Variants in CFAP251 observed in about 807,000 individuals in gnomAD.
The protein encoded by CFAP251 is cilia- and flagella-associated protein 251.
A neutral mutation model predicts 126.7 loss-of-function variants in CFAP251; 93 were observed. The ratio of observed to expected loss-of-function variants is 0.73; its 90% CI spans 0.62 to 0.87. The LOEUF (loss-of-function observed/expected upper bound fraction) is 0.87, where lower values mean the gene tolerates loss of function less well. Among genes scored for constraint, CFAP251 ranks in the 40% least tolerant of loss-of-function variants. The pLI is 0.00. For synonymous variants in CFAP251, 503 were observed against 506.9 expected (o/e 0.99, Z 0.10); for missense variants, 1,287 against 1,389.2 (o/e 0.93, Z 1.17).
intron 14 of CFAP251, among the ~76,000 whole-genome samples, chr12:121,961,689 G>T (rs1881945025): frequency 6.6e-6 from 1 of 152,234 alleles, no homozygotes; most frequent in Non-Finnish European, 1.5e-5. Flanking sequence ...TTTCTCATCT[G>T]TAAAATGGGC....
chr12:121,949,443 G>A (rs940585278), intron 8 of CFAP251: 3 of 152,598 alleles, frequency 2.0e-5, no homozygotes, highest in Admixed American at 6.6e-5. Context: ...TGGGATTAGA[G>A]GGGTGAGCCG....
chr12:122,001,792 G>T, intron 21 of CFAP251, 194 bp downstream of exon 21: 1 of 598,844 alleles, frequency 1.7e-6, no homozygotes, highest in South Asian at 1.9e-5. Context: ...CCCGCGCTCT[G>T]TCCGTCCTTT....
At chr12:121,943,164 T>A (rs1881191350) in intron 7 of CFAP251, among the ~76,000 whole-genome samples, 189 bp downstream of exon 7, 1 of 151,924 alleles carries the variant, frequency 6.6e-6, no homozygotes, top group African/African-American at 2.4e-5. Flanking sequence ...AATACAAAAA[T>A]TCCCTGGGTG....
chr12:121,948,892 G>T, intron 7 of CFAP251, 92 bp from the exon 8 acceptor site: 8 of 732,046 alleles, frequency 1.1e-5, no homozygotes, highest in East Asian at 3.1e-5. Flanking sequence ...CTACTCATTT[G>T]TTTTAATTAA....
intron 19 of CFAP251, among the ~76,000 whole-genome samples, chr12:121,983,594 CA>C (rs892335071): frequency 6.6e-6 from 1 of 152,056 alleles, no homozygotes; most frequent in African/African-American, 2.4e-5. Flanking sequence ...AACATAAAGA[CA>C]GAAATAAAAA....
rs1272960618 is a variant in CFAP251 at position 121,942,589 on chromosome 12, A to G, written c.1054A>G (p.Met352Val). 11 of 1,613,772 alleles carry G rather than the reference A, an allele frequency of 6.8e-6. No homozygotes were observed. The highest frequency in any genetic ancestry group is 8.5e-6 in the Non-Finnish European group (10 of 1,180,002). ...SCPEGNGIMAMAMTHDAKYLA... is the reference protein window; with the variant it reads ...SCPEGNGIMAVAMTHDAKYLA... The stretch of plus-strand genomic sequence containing the variant: ...CCCTGAAGGGAATGGCATCATGGCC[A>G]TGGCCATGACCCACGACGCCAAGTA... Residue 352 changes from methionine to valine, a missense_variant, in exon 6 of 22, where the codon ATG (methionine) becomes GTG (valine). Met to Val is a conservative substitution (Grantham distance 21, BLOSUM62 1). Transcript: ENST00000288912.
At chr12:121,997,841 TC>T (rs1411356277) in intron 19 of CFAP251, 1 of 150,458 alleles carries the variant, frequency 6.6e-6, no homozygotes, top group Non-Finnish European at 1.5e-5. Flanking sequence ...AGCCTCCACC[TC>T]CCCAGTTCAA....
intron 17 of CFAP251, among the ~76,000 whole-genome samples, chr12:121,970,862 T>G (rs553101464): frequency 2.6e-5 from 4 of 152,302 alleles, no homozygotes; most frequent in Admixed American, 1.3e-4. Context: ...TGCTGACAGT[T>G]CCCAAATTTC....
intron 5 of CFAP251, among the ~76,000 whole-genome samples, chr12:121,939,929 A>G (rs1009366162): frequency 2.6e-5 from 4 of 152,218 alleles, no homozygotes; most frequent in Admixed American, 1.3e-4. Flanking sequence ...CTGCATTTCA[A>G]TATTTAAGAG....
chr12:121,940,698 A>G (rs1043613157), intron 5 of CFAP251, among the ~76,000 whole-genome samples: 17 of 152,162 alleles, frequency 1.1e-4, no homozygotes, highest in Non-Finnish European at 2.1e-4. Context: ...TGTCTTAGAT[A>G]CTTGCATGTC....
chr12:121,958,617 C>G, intron 12 of CFAP251, 95 bp downstream of exon 12: 1 of 1,557,062 alleles, frequency 6.4e-7, no homozygotes, highest in Non-Finnish European at 8.7e-7. Flanking sequence ...GAAGTCTCCC[C>G]GACTCCAGCC....
chr12:121,969,419 C>T, intron 17 of CFAP251: 3 of 985,346 alleles, frequency 3.0e-6, no homozygotes, highest in Non-Finnish European at 3.6e-6. Flanking sequence ...GTTCCTTGCT[C>T]CCTGGCTTGT....
chr12:121,969,015 C>G, intron 17 of CFAP251: 1 of 985,328 alleles, frequency 1.0e-6, no homozygotes, highest in Non-Finnish European at 1.2e-6. Context: ...GGTTCCTGTT[C>G]CTGACCACTT....
At chr12:121,958,230 C>T (rs1282030908) in intron 11 of CFAP251, 42 bp from the exon 12 acceptor site, 2 of 1,606,854 alleles carry the variant, frequency 1.2e-6, no homozygotes, top group Non-Finnish European at 1.7e-6. Flanking sequence ...TGCCCCATTC[C>T]CTGCAAACAC....
At chr12:121,930,815 C>T (rs1385533905) in intron 3 of CFAP251, among the ~76,000 whole-genome samples, 1 of 144,556 alleles carries the variant, frequency 6.9e-6, no homozygotes, top group Non-Finnish European at 1.5e-5. Context: ...GTGGCACGAT[C>T]TTAGCTCACT....
At chr12:121,998,622 C>T (rs1301714586) in intron 19 of CFAP251, 1 of 150,636 alleles carries the variant, frequency 6.6e-6, no homozygotes, top group African/African-American at 2.4e-5. Context: ...TGCCAGGTGG[C>T]TCATGCCTGT....
chr12:121,975,523 C>T lies in CFAP251; in HGVS notation c.2863-19C>T. 3.1e-6 allele frequency: 5 copies of T among 1,605,098 alleles called. No individual in the cohort carries two copies. The highest frequency in any genetic ancestry group is 4.2e-6 in the Non-Finnish European group (5 of 1,177,586). Reference sequence around the variant, plus strand: ...TTAAGCCTAAATGTGTGTTGTGTTTCCGTTGTATTCCTACATAGGAGCTAG... The same window carrying T: ...TTAAGCCTAAATGTGTGTTGTGTTTTCGTTGTATTCCTACATAGGAGCTAG... On this transcript the variant is annotated intron_variant, in intron 18 of 21. Coordinates refer to ENST00000288912, the MANE Select transcript of CFAP251 (RefSeq NM_144668.6).
chr12:121,990,148 A>G (rs1882843704), intron 19 of CFAP251, among the ~76,000 whole-genome samples: 1 of 152,224 alleles, frequency 6.6e-6, no homozygotes, highest in South Asian at 2.1e-4. Context: ...TCAACCTTCA[A>G]CATGAGCTGA....
chr12:121,938,512 T>C (rs1880979001), intron 5 of CFAP251, among the ~76,000 whole-genome samples: 2 of 150,468 alleles, frequency 1.3e-5, no homozygotes, highest in Admixed American at 6.6e-5. Flanking sequence ...TTTTTTTTAA[T>C]AGATACAGGG....
Sources: allele counts gnomAD v4.1 joint callset (sites outside exome capture counted in the v4.1 genomes callset), GRCh38; gene constraint gnomAD v4.1.1; transcripts MANE v1.5; gene names NCBI Gene and HGNC (gene_info 2026-07-23, HGNC 2026-07-21).